The following ZC3H12B variants were observed in gnomAD, a reference collection of about 807,000 sequenced individuals.
The protein encoded by ZC3H12B is probable ribonuclease ZC3H12B.
In ZC3H12B, 7 loss-of-function variants were observed where a neutral mutation model predicts 43.9. That is an observed-to-expected ratio of 0.16 (90% CI 0.09 to 0.30). The LOEUF (loss-of-function observed/expected upper bound fraction) is 0.30. Among genes scored for constraint, ZC3H12B ranks in the 10% least tolerant of loss-of-function variants. ZC3H12B has a pLI of 1.00. For synonymous variants in ZC3H12B, 222 were observed against 241.7 expected, an observed-to-expected ratio of 0.92 and a Z score of 0.76; for missense variants, 475 against 670.2, an observed-to-expected ratio of 0.71 and a Z score of 3.22.
At chrX:65,060,011 A>T in the ZC3H12B span, among the ~76,000 whole-genome samples, 1 of 112,202 alleles carries the variant, frequency 8.9e-6, no homozygotes. Flanking sequence ...TTTCTTTTTC[A>T]GATTGTTCAC....
chrX:65,334,353 T>C, the ZC3H12B span, among the ~76,000 whole-genome samples: 1 of 112,237 alleles, frequency 8.9e-6, no homozygotes, highest in Non-Finnish European at 1.9e-5. Context: ...AACCTTCAGC[T>C]TTTTCCTCTC....
chrX:65,212,641 A>AT, the ZC3H12B span, among the ~76,000 whole-genome samples: 1 of 83,833 alleles, frequency 1.2e-5, no homozygotes, highest in Non-Finnish European at 2.2e-5. Flanking sequence ...AATATATATG[A>AT]TTATATATCA....
chrX:65,393,885 C>G (rs1207317200), intron 2 of ZC3H12B, among the ~76,000 whole-genome samples: 3 of 112,084 alleles, frequency 2.7e-5, no homozygotes, highest in South Asian at 3.7e-4. Flanking sequence ...TTTTAATAAT[C>G]TCTATTCTAA....
chrX:65,332,516 G>A, the ZC3H12B span, among the ~76,000 whole-genome samples: 25 of 111,496 alleles, frequency 2.2e-4, no homozygotes, highest in Non-Finnish European at 4.0e-4. Context: ...TCCATGAACT[G>A]TGCAACTGTT....
At chrX:65,233,797 G>C in the ZC3H12B span, among the ~76,000 whole-genome samples, 2 of 110,859 alleles carry the variant, frequency 1.8e-5, no homozygotes, top group Admixed American at 1.9e-4. Context: ...ATGAAAACTT[G>C]TTTTCTCAAA....
the ZC3H12B span, among the ~76,000 whole-genome samples, chrX:65,158,695 A>G: frequency 6.3e-5 from 7 of 111,403 alleles, no homozygotes; most frequent in South Asian, 1.1e-3. Flanking sequence ...TGAGTAGGTT[A>G]CGAAAATTTT....
the ZC3H12B span, among the ~76,000 whole-genome samples, chrX:65,257,210 C>G: frequency 2.1e-4 from 24 of 112,068 alleles, no homozygotes; most frequent in African/African-American, 7.8e-4. Context: ...ACCCAAATGT[C>G]CATCAATGAT....
chrX:65,085,539 G>A, the ZC3H12B span, among the ~76,000 whole-genome samples: 4 of 110,994 alleles, frequency 3.6e-5, no homozygotes, highest in Admixed American at 1.9e-4. Flanking sequence ...TTGTGTGGCC[G>A]AGGCTGAAGG....
At chrX:65,270,377 C>T in the ZC3H12B span, among the ~76,000 whole-genome samples, 14 of 111,427 alleles carry the variant, frequency 1.3e-4, no homozygotes, top group Admixed American at 1.1e-3. Context: ...TACACAAAAA[C>T]GATTCAAAAT....
the ZC3H12B span, among the ~76,000 whole-genome samples, chrX:65,212,334 ATATAT>A: frequency 2.0e-5 from 1 of 51,252 alleles, no homozygotes; most frequent in Non-Finnish European, 3.1e-5. Context: ...ATATTATATA[ATATAT>A]AATATAAATA....
chrX:65,060,626 AT>A, the ZC3H12B span, among the ~76,000 whole-genome samples: 12 of 111,870 alleles, frequency 1.1e-4, no homozygotes, highest in East Asian at 3.4e-3. Context: ...GGATTTTTGC[AT>A]CAATATTCAT....
the ZC3H12B span, among the ~76,000 whole-genome samples, chrX:65,267,470 T>C: frequency 1.4e-4 from 14 of 103,692 alleles, no homozygotes; most frequent in African/African-American, 4.6e-4. Context: ...TGAAGAAGTA[T>C]GCAAAAAAAA....
At chrX:65,459,843 G>A (rs1264909597) in intron 3 of ZC3H12B, among the ~76,000 whole-genome samples, 2 of 111,497 alleles carry the variant, frequency 1.8e-5, no homozygotes, top group African/African-American at 3.3e-5. Flanking sequence ...ACATAGTGTT[G>A]GACGTTCTGG....
At chrX:65,381,703 C>A (rs2066442632) in intron 2 of ZC3H12B, among the ~76,000 whole-genome samples, 1 of 111,540 alleles carries the variant, frequency 9.0e-6, no homozygotes, top group Non-Finnish European at 1.9e-5. Flanking sequence ...TGATAGACTG[C>A]TAGCAAGACT....
the ZC3H12B span, among the ~76,000 whole-genome samples, chrX:65,346,269 A>G: frequency 3.6e-5 from 4 of 110,243 alleles, no homozygotes; most frequent in East Asian, 1.1e-3. Context: ...TAAAAAAAAA[A>G]AAAAAATACA....
intron 3 of ZC3H12B, among the ~76,000 whole-genome samples, chrX:65,433,807 G>C (rs1267612874): frequency 8.9e-6 from 1 of 111,946 alleles, no homozygotes; most frequent in Non-Finnish European, 1.9e-5. Flanking sequence ...ATCATGAGGA[G>C]CTGGCCTACC....
chrX:65,317,535 C>T, the ZC3H12B span, among the ~76,000 whole-genome samples: 1 of 109,180 alleles, frequency 9.2e-6, no homozygotes, highest in African/African-American at 3.3e-5. Flanking sequence ...CCCTTTCCCA[C>T]CCTTTCCTTA....
the ZC3H12B span, chrX:65,271,240 G>T: frequency 8.9e-6 from 1 of 112,015 alleles, no homozygotes; most frequent in Non-Finnish European, 1.9e-5. Flanking sequence ...AGCTTCTTCA[G>T]AAAAGAATTC....
chrX:65,127,934 CT>C, the ZC3H12B span, among the ~76,000 whole-genome samples: 1 of 111,654 alleles, frequency 9.0e-6, no homozygotes, highest in Non-Finnish European at 1.9e-5. Flanking sequence ...AGACTGAGAA[CT>C]TGTCCCAGAC....
Sources: allele counts gnomAD v4.1 joint callset (sites outside exome capture counted in the v4.1 genomes callset), GRCh38; gene constraint gnomAD v4.1.1; transcripts MANE v1.5; gene names NCBI Gene and HGNC (gene_info 2026-07-23, HGNC 2026-07-21).